Variants in CD96 observed in about 807,000 individuals in gnomAD.
CD96 encodes the protein T-cell surface protein tactile.
A neutral mutation model predicts 71.3 loss-of-function variants in CD96; 70 were observed. That is an observed-to-expected ratio of 0.98 (90% CI 0.81 to 1.20). CD96 has a LOEUF of 1.20. Ranked by LOEUF, CD96 falls within the 50% of genes most tolerant of loss-of-function variation. CD96 has a pLI of 0.00. For synonymous variants in CD96, 248 were observed against 233.0 expected (o/e 1.06, Z -0.59); for missense variants, 742 against 677.5 (o/e 1.10, Z -1.06).
In CD96 at chr3:111,552,054, G is replaced by A. The variant is rs557381329; in HGVS notation, c.418+6652G>A. Among the ~76,000 whole-genome samples the A allele has an allele frequency of 2.3e-4, 35 of 152,210 alleles. 1 individual carries two copies. Among genetic ancestry groups the A allele is most frequent in the Non-Finnish European group, 3.4e-4 (23 of 67,998 alleles). On this transcript the variant is annotated intron_variant, in intron 2 of 13. Coordinates refer to ENST00000352690, the MANE Select transcript of CD96 (RefSeq NM_005816.5). ...TTGCATTTCTCTAATTATCAGTGATGTTGAGCTTTTTTTCATATTTGTTGG... is the reference window on the plus strand; with the variant it reads ...TTGCATTTCTCTAATTATCAGTGATATTGAGCTTTTTTTCATATTTGTTGG...
intron 10 of CD96, among the ~76,000 whole-genome samples, chr3:111,629,656 C>G (rs957003840): frequency 1.3e-5 from 2 of 152,202 alleles, no homozygotes; most frequent in African/African-American, 4.8e-5. Context: ...AGCTCTGGAT[C>G]AAGTTGACCT....
At chr3:111,579,402 T>G in intron 4 of CD96, 168 bp downstream of exon 4, 1 of 689,412 alleles carries the variant, frequency 1.5e-6, no homozygotes, top group Non-Finnish European at 2.7e-6. Flanking sequence ...GGGATGAGGG[T>G]AGGATGCTAA....
At chr3:111,596,161 C>A (rs1178146269) in intron 5 of CD96, among the ~76,000 whole-genome samples, 12 of 142,118 alleles carry the variant, frequency 8.4e-5, no homozygotes, top group East Asian at 4.0e-4. Flanking sequence ...GACTCTGTCT[C>A]AAAAAAATAA....
chr3:111,637,135 A>C (rs913380684), intron 10 of CD96, 61 bp from the exon 11 acceptor site: 3 of 845,460 alleles, frequency 3.5e-6, no homozygotes, highest in South Asian at 1.3e-5. Flanking sequence ...TTAAATTAGC[A>C]GTCAAGAAGT....
chr3:111,661,645 A>G (rs913320547), intron 14 of CD96, among the ~76,000 whole-genome samples: 4 of 152,272 alleles, frequency 2.6e-5, no homozygotes, highest in African/African-American at 9.6e-5. Context: ...CAGGGCCATC[A>G]TTAAATCTTA....
chr3:111,606,466 T>C (rs1335777818), intron 7 of CD96, among the ~76,000 whole-genome samples: 1 of 152,194 alleles, frequency 6.6e-6, no homozygotes, highest in Non-Finnish European at 1.5e-5. Context: ...TCCACTGTCA[T>C]GGTACTCAAC....
intron 2 of CD96, among the ~76,000 whole-genome samples, chr3:111,553,494 A>T (rs1413697518): frequency 6.9e-6 from 1 of 145,564 alleles, no homozygotes; most frequent in African/African-American, 2.6e-5. Context: ...TGAGAGGCAC[A>T]TAATTCTGGT....
chr3:111,591,911 G>A (rs1320588947), intron 5 of CD96, among the ~76,000 whole-genome samples: 2 of 152,254 alleles, frequency 1.3e-5, no homozygotes, highest in African/African-American at 4.8e-5. Context: ...AGTCTAGGAA[G>A]AATATGAGTG....
At chr3:111,638,992 T>C (rs1390617948) in intron 12 of CD96, among the ~76,000 whole-genome samples, 1 of 152,218 alleles carries the variant, frequency 6.6e-6, no homozygotes, top group East Asian at 1.9e-4. Flanking sequence ...GGCATTGATG[T>C]AAGACCTCTT....
intron 5 of CD96, chr3:111,593,908 C>A: frequency 2.5e-6 from 4 of 1,613,768 alleles, no homozygotes; most frequent in Non-Finnish European, 3.4e-6. Context: ...GATGCTTCCA[C>A]AGTGCAGTGG....
chr3:111,614,157 C>G (rs1351528172), intron 8 of CD96, among the ~76,000 whole-genome samples: 1 of 152,120 alleles, frequency 6.6e-6, no homozygotes, highest in African/African-American at 2.4e-5. Flanking sequence ...TTAATTTAGT[C>G]CAGAACTTCT....
chr3:111,608,630 A>C (rs1429585488), intron 8 of CD96, among the ~76,000 whole-genome samples: 1 of 152,176 alleles, frequency 6.6e-6, no homozygotes, highest in Non-Finnish European at 1.5e-5. Flanking sequence ...GTTATGACCA[A>C]ATTTAGTTCT....
At chr3:111,612,401 G>A (rs1937995011) in intron 8 of CD96, among the ~76,000 whole-genome samples, 2 of 152,076 alleles carry the variant, frequency 1.3e-5, no homozygotes, top group Admixed American at 6.5e-5. Flanking sequence ...TTTTTCCCTA[G>A]CAATTACATA....
chr3:111,563,114 A>T (rs1348785343), intron 2 of CD96, among the ~76,000 whole-genome samples: 1 of 152,262 alleles, frequency 6.6e-6, no homozygotes, highest in East Asian at 1.9e-4. Flanking sequence ...TCGCCCTTTT[A>T]TAATGGCATT....
intron 5 of CD96, among the ~76,000 whole-genome samples, chr3:111,596,246 G>A (rs1237990530): frequency 6.6e-6 from 1 of 151,668 alleles, no homozygotes; most frequent in East Asian, 1.9e-4. Context: ...AATATGTAGA[G>A]GTTGACAGTT....
intron 5 of CD96, among the ~76,000 whole-genome samples, chr3:111,597,355 A>G (rs1451517035): frequency 6.6e-6 from 1 of 152,232 alleles, no homozygotes; most frequent in Non-Finnish European, 1.5e-5. Flanking sequence ...AAAATAAAAC[A>G]TAACTAGCCC....
chr3:111,648,630 G>A (rs910059961), intron 13 of CD96, among the ~76,000 whole-genome samples: 1 of 152,186 alleles, frequency 6.6e-6, no homozygotes, highest in Non-Finnish European at 1.5e-5. Flanking sequence ...AGGGATTAGA[G>A]AGCTTTATAT....
intron 3 of CD96, chr3:111,570,913 T>C: frequency 3.8e-6 from 6 of 1,586,518 alleles, no homozygotes; most frequent in Non-Finnish European, 4.3e-6. Context: ...TCCTGCTCAG[T>C]GCATGAGGCG....
At chr3:111,588,183 C>T (rs1936802854) in intron 5 of CD96, among the ~76,000 whole-genome samples, 1 of 152,142 alleles carries the variant, frequency 6.6e-6, no homozygotes, top group Admixed American at 6.5e-5. Context: ...TTAACAGCAC[C>T]CAAGTTACCT....
Sources: gnomAD v4.1 joint callset for allele counts (sites outside exome capture counted in the v4.1 genomes callset) on GRCh38, gnomAD v4.1.1 for gene constraint, MANE v1.5 for transcripts, NCBI Gene and HGNC (gene_info 2026-07-23, HGNC 2026-07-21) for gene names.